Variants in ATRNL1 observed in about 807,000 individuals in gnomAD.
ATRNL1 encodes the protein attractin-like protein 1.
In ATRNL1, 95 loss-of-function variants were observed where a neutral mutation model predicts 182.7. That is an observed-to-expected ratio of 0.52 (90% confidence interval 0.44 to 0.62). The LOEUF is 0.62. ATRNL1 is among the 20% of genes least tolerant of loss of function. The pLI, the probability that ATRNL1 is intolerant of heterozygous loss-of-function variation, is 0.00. For missense variants in ATRNL1, 1,471 were observed against 1,679.5 expected (o/e 0.88, Z 2.17); for synonymous variants, 576 against 568.3 (o/e 1.01, Z -0.19).
intron 26 of ATRNL1, among the ~76,000 whole-genome samples, chr10:115,650,573 A>C (rs1259203239): frequency 6.6e-6 from 1 of 151,682 alleles, no homozygotes; most frequent in Non-Finnish European, 1.5e-5. Flanking sequence ...GCACACAGAT[A>C]CGTTTGAATA....
At chr10:115,546,796 A>C (rs1435208984) in intron 25 of ATRNL1, among the ~76,000 whole-genome samples, 1 of 152,122 alleles carries the variant, frequency 6.6e-6, no homozygotes, top group African/African-American at 2.4e-5. Context: ...ACACTGCCAG[A>C]TATCGCCTGG....
intron 19 of ATRNL1, among the ~76,000 whole-genome samples, chr10:115,371,927 G>A (rs1414665422): frequency 2.0e-5 from 3 of 152,062 alleles, no homozygotes; most frequent in Non-Finnish European, 2.9e-5. Flanking sequence ...TGGAATCATG[G>A]GGACAGGTCC....
intron 27 of ATRNL1, among the ~76,000 whole-genome samples, chr10:115,751,442 G>A (rs908540607): frequency 6.6e-6 from 1 of 152,052 alleles, no homozygotes; most frequent in African/African-American, 2.4e-5. Flanking sequence ...CTCTTAAGAG[G>A]AAGGTTGTGA....
chr10:115,461,793 A>G, intron 21 of ATRNL1, 148 bp from the exon 22 acceptor site: 2 of 422,306 alleles, frequency 4.7e-6, no homozygotes, highest in Non-Finnish European at 4.1e-6. Flanking sequence ...GAGGACAAAG[A>G]TTTGTATTTT....
intron 26 of ATRNL1, among the ~76,000 whole-genome samples, chr10:115,576,715 C>T (rs529295821): frequency 2.6e-5 from 4 of 152,042 alleles, no homozygotes; most frequent in Admixed American, 2.0e-4. Context: ...GTTTATTTTG[C>T]TATGCGGAAG....
chr10:115,724,761 G>T (rs527366740), intron 26 of ATRNL1, among the ~76,000 whole-genome samples: 51 of 152,230 alleles, frequency 3.4e-4, no homozygotes, highest in African/African-American at 1.2e-3. Context: ...CTAAAAAGTG[G>T]AGAAACTGGT....
intron 26 of ATRNL1, among the ~76,000 whole-genome samples, chr10:115,578,909 C>T (rs1854244): frequency 0.49 from 73,550 of 151,134 alleles, 19,070 homozygotes; most frequent in East Asian, 0.84. Flanking sequence ...AGTTTTCTTA[C>T]GTTGTATTTC....
chr10:115,286,488 T>C, intron 15 of ATRNL1, 91 bp downstream of exon 15: 1 of 742,512 alleles, frequency 1.3e-6, no homozygotes, highest in Non-Finnish European at 2.0e-6. Context: ...ACATTATTGT[T>C]GCTAATTTTG....
intron 17 of ATRNL1, among the ~76,000 whole-genome samples, chr10:115,309,013 T>G (rs1853882049): frequency 6.6e-6 from 1 of 152,146 alleles, no homozygotes. Flanking sequence ...GAATAGGGTG[T>G]CCTTTCCTCA....
intron 19 of ATRNL1, among the ~76,000 whole-genome samples, chr10:115,353,937 A>G (rs1387399967): frequency 6.6e-6 from 1 of 152,102 alleles, no homozygotes; most frequent in South Asian, 2.1e-4. Flanking sequence ...CATATTGTCT[A>G]TCTTTCAAAA....
chr10:115,555,672 A>G (rs11197297), intron 26 of ATRNL1, among the ~76,000 whole-genome samples: 97,645 of 151,766 alleles, frequency 0.64, 32,374 homozygotes, highest in Middle Eastern at 0.73. Context: ...CTTAAAATCT[A>G]TATTATTAAC....
At chr10:115,235,841 T>A (rs556132089) in intron 9 of ATRNL1, among the ~76,000 whole-genome samples, 24 of 152,304 alleles carry the variant, frequency 1.6e-4, no homozygotes, top group African/African-American at 5.5e-4. Context: ...TTATTTCTTG[T>A]TAAACCTTTA....
At chr10:115,543,231 G>T (rs1554992591) in intron 25 of ATRNL1, among the ~76,000 whole-genome samples, 1 of 152,092 alleles carries the variant, frequency 6.6e-6, no homozygotes, top group African/African-American at 2.4e-5. Flanking sequence ...TATTCTATGC[G>T]TGTATTATTT....
At chr10:115,524,068 C>T (rs545255798) in intron 25 of ATRNL1, among the ~76,000 whole-genome samples, 4 of 152,044 alleles carry the variant, frequency 2.6e-5, no homozygotes, top group African/African-American at 7.2e-5. Flanking sequence ...GTGTAGAGAT[C>T]GAGATCACAT....
intron 26 of ATRNL1, among the ~76,000 whole-genome samples, chr10:115,720,678 T>C (rs1947394684): frequency 6.6e-6 from 1 of 152,150 alleles, no homozygotes; most frequent in South Asian, 2.1e-4. Context: ...TGGCATTGCA[T>C]ATACACCAAA....
intron 26 of ATRNL1, among the ~76,000 whole-genome samples, chr10:115,695,046 A>G (rs1946515347): frequency 6.6e-6 from 1 of 152,246 alleles, no homozygotes. Flanking sequence ...TTTCCTAAAT[A>G]CCAAAGGAAT....
intron 24 of ATRNL1, among the ~76,000 whole-genome samples, chr10:115,499,125 A>G (rs1335667607): frequency 6.6e-6 from 1 of 152,158 alleles, no homozygotes; most frequent in Non-Finnish European, 1.5e-5. Context: ...ATAATTAAAT[A>G]CAGGTATCAT....
At chr10:115,357,247 T>A (rs1554943077) in intron 19 of ATRNL1, among the ~76,000 whole-genome samples, 2 of 151,904 alleles carry the variant, frequency 1.3e-5, no homozygotes, top group African/African-American at 4.8e-5. Flanking sequence ...TAGTTCTACT[T>A]ATATTCTAAT....
In ATRNL1 at chr10:115,588,202, C is replaced by T. The variant is rs1855684655; in HGVS notation, c.3795+38666C>T. On this transcript the variant is annotated intron_variant, in intron 26 of 28. Transcript: ENST00000355044. ...CTCTCCGGAATCATTCTAGACTGTCCTCCCTTCTCATCCCTCTCTCACCCC... is the reference window on the plus strand; with the variant it reads ...CTCTCCGGAATCATTCTAGACTGTCTTCCCTTCTCATCCCTCTCTCACCCC... Among the ~76,000 whole-genome samples the T allele has an allele frequency of 2.0e-5, 3 of 152,084 alleles. No homozygotes were observed. The South Asian group carries it at 6.2e-4, about 32-fold the overall frequency.
Sources: allele counts gnomAD v4.1 joint callset (sites outside exome capture counted in the v4.1 genomes callset), GRCh38; gene constraint gnomAD v4.1.1; transcripts MANE v1.5; gene names NCBI Gene and HGNC (gene_info 2026-07-23, HGNC 2026-07-21).